The following NSG2 variants were observed in gnomAD, a reference collection of about 807,000 sequenced individuals.
The protein encoded by NSG2 is neuronal vesicle trafficking associated 2, also known as neuronal vesicle trafficking-associated protein 2.
A neutral mutation model predicts 16.9 loss-of-function variants in NSG2; 4 were observed. That is an observed-to-expected ratio of 0.24 (90% CI 0.12 to 0.54). NSG2 has a LOEUF of 0.54. Ranked by LOEUF, NSG2 falls within the 20% of genes least tolerant of loss-of-function variation. The pLI is 0.95. For synonymous variants in NSG2, 98 were observed against 88.7 expected (o/e 1.11, Z -0.59); for missense variants, 179 against 221.1 (o/e 0.81, Z 1.21).
chr5:174,108,080 A>G lies in NSG2; in HGVS notation c.*575A>G, dbSNP rs991244249. ...AGCTGATTTTGGCATTACTAAGCCC[A>G]GAACGCACATAACCCATAGTGAAAT... On this transcript the variant is annotated 3_prime_UTR_variant, in exon 5 of 5. Coordinates refer to ENST00000303177, the MANE Select transcript of NSG2 (RefSeq NM_015980.5). 8.5e-5 allele frequency: 25 copies of G among 295,136 alleles called. No individual in the cohort carries two copies. Among genetic ancestry groups the G allele is most frequent in the Non-Finnish European group, 1.2e-4 (19 of 153,288 alleles). The allele number at this position is 295,136 out of a possible 1,614,324, so 18.3% of individuals were successfully genotyped here.
rs139572936 is a variant in NSG2 at position 174,087,518 on chromosome 5, G to T, written c.214-16710G>T. 8.1e-4 allele frequency among the ~76,000 whole-genome samples: 124 copies of T among 152,248 alleles called. 1 individual carries two copies. In the East Asian group the frequency reaches 0.015, roughly 19 times the overall value. On this transcript the variant is annotated intron_variant, in intron 3 of 4. Transcript: ENST00000303177. ...AATGAGGCTGAGCATTGTGGCTCAT[G>T]CTTGTAATCCCAGCACTTTGGGAGG...
intron 3 of NSG2, among the ~76,000 whole-genome samples, chr5:174,075,182 G>A (rs1476013509): frequency 6.6e-6 from 1 of 152,006 alleles, no homozygotes; most frequent in Non-Finnish European, 1.5e-5. Context: ...TATCTTTATT[G>A]TAACTCATGA....
At chr5:174,106,618 G>T (rs1236478817) in intron 4 of NSG2, among the ~76,000 whole-genome samples, 4 of 120,396 alleles carry the variant, frequency 3.3e-5, no homozygotes, top group African/African-American at 1.2e-4. Context: ...TTTTTGCGAC[G>T]GAGTCTCACT....
In NSG2 at chr5:174,107,362, G is replaced by A; in HGVS notation, c.373G>A (p.Asp125Asn). ...ASLDAYYSSQDPNSRSRFYTV... is the reference protein window; with the variant it reads ...ASLDAYYSSQNPNSRSRFYTV... ...CCTGGATGCTTACTACTCCTCCCAG[G>A]ACCCCAATTCCAGAAGCCGCTTCTA... is the stretch of plus-strand genomic sequence containing the variant. Residue 125 changes from aspartate (D) to asparagine (N), a missense_variant, in exon 5 of 5, where the codon GAC (aspartate) becomes AAC (asparagine). Transcript: ENST00000303177. The surrounding 1 kb of genome is among the most constrained non-coding windows in gnomAD (Gnocchi z 4.5). 1 of 1,599,500 alleles carries A rather than the reference G, an allele frequency of 6.3e-7. No individual in the cohort carries two copies. Among genetic ancestry groups the A allele is most frequent in the South Asian group, 1.1e-5 (1 of 90,258 alleles).
chr5:174,067,945 G>A (rs908623563), intron 3 of NSG2, among the ~76,000 whole-genome samples: 4 of 152,138 alleles, frequency 2.6e-5, no homozygotes, highest in Non-Finnish European at 4.4e-5. Flanking sequence ...GGAGACCATG[G>A]GTGGGGAGGG....
At chr5:174,103,261 TG>T (rs1048335439) in intron 3 of NSG2, among the ~76,000 whole-genome samples, 11 of 152,078 alleles carry the variant, frequency 7.2e-5, no homozygotes, top group African/African-American at 2.7e-4. Flanking sequence ...GGTCAGATTA[TG>T]GGTGTATTTG....
chr5:174,074,365 G>A (rs181579093), intron 3 of NSG2, among the ~76,000 whole-genome samples: 8 of 152,214 alleles, frequency 5.3e-5, no homozygotes, highest in Non-Finnish European at 1.2e-4. Flanking sequence ...GGGGAGGGAG[G>A]TCTCTTGCTA....
At chr5:174,073,085 T>C (rs1760271515) in intron 3 of NSG2, among the ~76,000 whole-genome samples, 1 of 152,196 alleles carries the variant, frequency 6.6e-6, no homozygotes, top group Non-Finnish European at 1.5e-5. Context: ...CATCAACAGC[T>C]CTGGTTGCCT....
At chr5:174,092,120 T>A (rs1300079640) in intron 3 of NSG2, among the ~76,000 whole-genome samples, 1 of 152,190 alleles carries the variant, frequency 6.6e-6, no homozygotes, top group Non-Finnish European at 1.5e-5. Flanking sequence ...CTGGGTGTTA[T>A]CATAGAACAG....
In NSG2 at chr5:174,099,891, G is replaced by A. The variant is rs137951718; in HGVS notation, c.214-4337G>A. 4.6e-5 allele frequency among the ~76,000 whole-genome samples: 7 copies of A among 152,130 alleles called. No homozygotes were observed. In the East Asian group the frequency reaches 7.7e-4, roughly 17 times the overall value. On this transcript the variant is annotated intron_variant, in intron 3 of 4. Coordinates refer to ENST00000303177, the MANE Select transcript of NSG2 (RefSeq NM_015980.5). Reference sequence around the variant, plus strand: ...GCCTCAGTCATGGTGTCACCTCTGCGTTGCAAGTGTCTACACCCATCAGTC... The same window carrying A: ...GCCTCAGTCATGGTGTCACCTCTGCATTGCAAGTGTCTACACCCATCAGTC...
chr5:174,064,814 A>G (rs897778071), intron 3 of NSG2, among the ~76,000 whole-genome samples: 10 of 152,168 alleles, frequency 6.6e-5, no homozygotes, highest in African/African-American at 2.4e-4. Context: ...GATGAATTGC[A>G]TCAAGGATCC....
Position 174,087,638 on chromosome 5 carries a change from T to G in NSG2, c.214-16590T>G, listed in dbSNP as rs1760651413. Among the ~76,000 whole-genome samples, 4 of 150,754 alleles carry G rather than the reference T, an allele frequency of 2.7e-5. No individual in the cohort carries two copies. The South Asian group carries it at 8.4e-4, about 32-fold the overall frequency. Reference sequence around the variant, plus strand: ...CTACAAAAAAATAATAAAAAAAAAATAGCTGGGCATAGTGGTGCACCCCTG... The same window carrying G: ...CTACAAAAAAATAATAAAAAAAAAAGAGCTGGGCATAGTGGTGCACCCCTG... On this transcript the variant is annotated intron_variant, in intron 3 of 4. Coordinates refer to ENST00000303177, the MANE Select transcript of NSG2 (RefSeq NM_015980.5).
rs1264317488 is a variant in NSG2 at position 174,109,029 on chromosome 5, G to A, written c.*1524G>A. 6.5e-6 allele frequency: 1 copy of A among 152,754 alleles called. No individual in the cohort carries two copies. Among genetic ancestry groups the A allele is most frequent in the Non-Finnish European group, 1.5e-5 (1 of 68,044 alleles). 9.5% of individuals were successfully genotyped at this position (152,754 alleles called of 1,614,324 possible). On this transcript the variant is annotated 3_prime_UTR_variant, in exon 5 of 5. Transcript: ENST00000303177. The stretch of plus-strand genomic sequence containing the variant: ...CCTGTAAATTCATTTGTCATTCAAA[G>A]CGGAATAACAAGTTGTCCCTAGCAA...
chr5:174,070,382 C>T (rs1365049502), intron 3 of NSG2, among the ~76,000 whole-genome samples: 9 of 152,128 alleles, frequency 5.9e-5, no homozygotes. Context: ...GTCACTTAGC[C>T]AGGAAATGTC....
At chr5:174,070,008 G>C (rs1205366792) in intron 3 of NSG2, among the ~76,000 whole-genome samples, 1 of 151,424 alleles carries the variant, frequency 6.6e-6, no homozygotes, top group African/African-American at 2.4e-5. Context: ...CTCCCAAAGA[G>C]CTGGGACTAC....
intron 2 of NSG2, among the ~76,000 whole-genome samples, chr5:174,059,531 TC>T (rs1032961917): frequency 6.6e-6 from 1 of 152,242 alleles, no homozygotes; most frequent in Non-Finnish European, 1.5e-5. Flanking sequence ...CAGTTCATTT[TC>T]TTGGGTTTTC....
At chr5:174,074,291 G>C (rs1303320061) in intron 3 of NSG2, among the ~76,000 whole-genome samples, 2 of 152,192 alleles carry the variant, frequency 1.3e-5, no homozygotes, top group African/African-American at 2.4e-5. Context: ...AGCTAACACA[G>C]TTGTTCCACT....
intron 3 of NSG2, among the ~76,000 whole-genome samples, chr5:174,064,728 TG>T (rs1760112247): frequency 6.6e-6 from 1 of 151,964 alleles, no homozygotes; most frequent in African/African-American, 2.4e-5. Flanking sequence ...TTCTTGGTGG[TG>T]AAACCCTAAT....
chr5:174,064,700 G>C (rs992538008), intron 3 of NSG2, among the ~76,000 whole-genome samples: 1 of 152,014 alleles, frequency 6.6e-6, no homozygotes, highest in Non-Finnish European at 1.5e-5. Context: ...AACAAAGGTG[G>C]GGGGAAGAAA....
Sources: allele counts gnomAD v4.1 joint callset (sites outside exome capture counted in the v4.1 genomes callset), GRCh38; gene constraint gnomAD v4.1.1; non-coding constraint Gnocchi (gnomAD v3.1); transcripts MANE v1.5; gene names NCBI Gene and HGNC (gene_info 2026-07-23, HGNC 2026-07-21).